Variants in AMZ1 observed in about 807,000 individuals in gnomAD.
The protein encoded by AMZ1 is archaelysin family metallopeptidase 1.
A neutral mutation model predicts 29.9 loss-of-function variants in AMZ1; 39 were observed. That is an observed-to-expected ratio of 1.30 (90% CI 1.01 to 1.70). AMZ1 has a LOEUF of 1.70. Among genes scored for constraint, AMZ1 ranks in the 40% most tolerant of loss-of-function variants. AMZ1 has a pLI of 0.00. For missense variants in AMZ1, 1,041 were observed against 680.6 expected (o/e 1.53, Z -5.89); for synonymous variants, 458 against 304.0 (o/e 1.51, Z -5.27).
At chr7:2,757,023 G>A (rs908634571) in intron 4 of AMZ1, among the ~76,000 whole-genome samples, 1 of 151,994 alleles carries the variant, frequency 6.6e-6, no homozygotes, top group African/African-American at 2.4e-5. Context: ...GCAGTGAACC[G>A]TGATTGTGCC....
chr7:2,747,031 C>T (rs1259694247), intron 4 of AMZ1, among the ~76,000 whole-genome samples: 1 of 152,168 alleles, frequency 6.6e-6, no homozygotes, highest in Non-Finnish European at 1.5e-5. Flanking sequence ...TAATCAATAG[C>T]TTACCAACCA....
Position 2,716,148 on chromosome 7 carries a change from A to C in AMZ1, c.*3270A>C, listed in dbSNP as rs577023353. ...GTGCGATGAGTCTGGGGAAGCTAAC[A>C]CATGCCTTCTGAAGTGGCTAGAATA... is the stretch of plus-strand genomic sequence containing the variant. On this transcript the variant is annotated 3_prime_UTR_variant, in exon 7 of 7. Transcript: ENST00000683327. 1.3e-5 allele frequency: 2 copies of C among 152,234 alleles called. No individual in the cohort carries two copies. Among genetic ancestry groups the C allele is most frequent in the Non-Finnish European group, 1.5e-5 (1 of 68,056 alleles). 9.4% of individuals were successfully genotyped at this position (152,234 alleles called of 1,614,324 possible). A position where few individuals can be genotyped will look rare whatever the true frequency, so the allele number is the denominator to read the frequency against.
rs994709599 is a variant in AMZ1 at position 2,692,746 on chromosome 7, T to G, written c.-219+4450T>G. On this transcript the variant is annotated intron_variant, in intron 1 of 6. Transcript: ENST00000683327. ...GCTAGGGCAGGAGTACCCCACCCCT[T>G]GGCCACAAGCCCAGCAGCGGTTCCC... Among the ~76,000 whole-genome samples, 5 of 152,258 alleles carry G rather than the reference T, an allele frequency of 3.3e-5. No individual in the cohort carries two copies. In the South Asian group the frequency reaches 6.2e-4, roughly 19 times the overall value.
chr7:2,708,808 T>A (rs1204549188), intron 4 of AMZ1, 92 bp downstream of exon 4: 16 of 1,576,106 alleles, frequency 1.0e-5, no homozygotes, highest in Non-Finnish European at 1.4e-5. Context: ...TGCTTTTGCT[T>A]CAAGCACCCT....
chr7:2,706,886 G>T (rs373509177), intron 3 of AMZ1, among the ~76,000 whole-genome samples: 16 of 152,200 alleles, frequency 1.1e-4, no homozygotes, highest in African/African-American at 3.6e-4. Flanking sequence ...TCAGGAGGCC[G>T]AGGCAGGAAG....
intron 1 of AMZ1, among the ~76,000 whole-genome samples, chr7:2,694,740 T>C (rs113099385): frequency 6.6e-6 from 1 of 151,912 alleles, no homozygotes; most frequent in Admixed American, 6.6e-5. Context: ...TGGCGCGATC[T>C]CAGCTCACTG....
chr7:2,722,709 TGCCTGTAATCCCAGCACTTCAGGAA>T (rs1444949421), downstream of AMZ1, among the ~76,000 whole-genome samples: 4 of 152,240 alleles, frequency 2.6e-5, no homozygotes, highest in Admixed American at 2.0e-4. Context: ...CAGCGACTCA[TGCCTGTAATCCCAGCACTTCAGGAA>T]GGCTGAGGTG....
At chr7:2,695,012 C>G (rs112221415) in intron 1 of AMZ1, among the ~76,000 whole-genome samples, 1 of 152,146 alleles carries the variant, frequency 6.6e-6, no homozygotes. Flanking sequence ...TGAACCCGTG[C>G]GTTCACCTGC....
At chr7:2,762,473 A>C (rs1442718645), upstream of AMZ1, 1 of 655,714 alleles carries the variant, frequency 1.5e-6, no homozygotes, top group African/African-American at 1.9e-5. Flanking sequence ...CTCTGAACCC[A>C]CCCGTGTGCG....
intron 1 of AMZ1, among the ~76,000 whole-genome samples, chr7:2,699,738 C>A (rs556387527): frequency 6.6e-6 from 1 of 152,162 alleles, no homozygotes; most frequent in Non-Finnish European, 1.5e-5. Context: ...AGGATGCACA[C>A]TTTGTGATCA....
chr7:2,731,856 G>A lies in AMZ1; in HGVS notation n.550+22040G>A, dbSNP rs1052830518. ...ATAAGAAGGAAAGAGACTGACTTTT[G>A]CAACAGGTTGAACCAGAAACCAAAA... On this transcript the variant is annotated intron_variant and non_coding_transcript_variant, in intron 4 of 4. Coordinates refer to the AMZ1 transcript ENST00000489665. This position sits in a 1 kb window ranked among gnomAD's most constrained non-coding sequence, Gnocchi z 6.0. The A allele has an allele frequency of 4.1e-5, 25 of 604,834 alleles. No individual in the cohort carries two copies. In the Admixed American group the frequency reaches 7.5e-4, roughly 18 times the overall value. The allele number at this position is 604,834 out of a possible 1,614,324, so 37.5% of individuals were successfully genotyped here.
upstream of AMZ1, among the ~76,000 whole-genome samples, chr7:2,761,909 T>C (rs1250743120): frequency 6.6e-6 from 1 of 152,184 alleles, no homozygotes; most frequent in Non-Finnish European, 1.5e-5. Flanking sequence ...CCATCTGTCG[T>C]ATCCACGGAA....
At chr7:2,739,455 G>A (rs1583215964) in intron 4 of AMZ1, among the ~76,000 whole-genome samples, 1 of 151,954 alleles carries the variant, frequency 6.6e-6, no homozygotes, top group African/African-American at 2.4e-5. Flanking sequence ...GCACAGGCCA[G>A]TGCAACATTC....
intron 4 of AMZ1, chr7:2,728,127 C>A (rs1789702133): frequency 1.3e-5 from 2 of 151,708 alleles, no homozygotes; most frequent in Admixed American, 1.3e-4. Context: ...CAAAGAAAGA[C>A]TAAATTTATT....
At chr7:2,723,054 C>A (rs1011502579), downstream of AMZ1, among the ~76,000 whole-genome samples, 2 of 152,080 alleles carry the variant, frequency 1.3e-5, 1 homozygote, top group African/African-American at 4.8e-5. Context: ...AAAAGTAAAT[C>A]TGAAATGCAT....
At chr7:2,763,732 C>T (rs2115406561), upstream of AMZ1, among the ~76,000 whole-genome samples, 1 of 152,330 alleles carries the variant, frequency 6.6e-6, no homozygotes, top group East Asian at 1.9e-4. Context: ...TCTAAATGTG[C>T]CTTCCCTGCA....
In AMZ1 at chr7:2,713,023, A is replaced by G; in HGVS notation, c.*145A>G. ...AGGCCTGTCATCCCATCACTTTGAGAGGCCAGGAGTTTGAGACCAGACTGG... is the reference window on the plus strand; with the variant it reads ...AGGCCTGTCATCCCATCACTTTGAGGGGCCAGGAGTTTGAGACCAGACTGG... On this transcript the variant is annotated 3_prime_UTR_variant, in exon 7 of 7. Transcript: ENST00000683327. The G allele has an allele frequency of 1.1e-6, 1 of 914,076 alleles. No homozygotes were observed. Among genetic ancestry groups the G allele is most frequent in the Non-Finnish European group, 1.5e-6 (1 of 666,530 alleles). The allele number at this position is 914,076 out of a possible 1,614,324, so 56.6% of individuals were successfully genotyped here.
Position 2,703,043 on chromosome 7 carries a change from G to A in AMZ1, c.472+154G>A, listed in dbSNP as rs147480524. 6.3e-3 allele frequency among the ~76,000 whole-genome samples: 958 copies of A among 152,322 alleles called. 13 individuals are homozygous for A. The highest frequency in any genetic ancestry group is 8.0e-3 in the Non-Finnish European group (541 of 68,028). On this transcript the variant is annotated intron_variant, in intron 3 of 6. Transcript: ENST00000683327. ...GGTGTTTGGGAAGCAGGACCAAGCC[G>A]GAGAGCTCCTTCTTCCCACCCAGGA...
downstream of AMZ1, among the ~76,000 whole-genome samples, chr7:2,719,837 C>A (rs1789343386): frequency 6.6e-6 from 1 of 152,034 alleles, no homozygotes; most frequent in Admixed American, 6.6e-5. Context: ...CCTGCCACAC[C>A]ATGCCCGGCT....
Sources: gnomAD v4.1 joint callset for allele counts (sites outside exome capture counted in the v4.1 genomes callset) on GRCh38, gnomAD v4.1.1 for gene constraint, Gnocchi (gnomAD v3.1) non-coding constraint, MANE v1.5 for transcripts, NCBI Gene and HGNC (gene_info 2026-07-23, HGNC 2026-07-21) for gene names.